ME1: variants seen among roughly 807,000 people sequenced by gnomAD.
ME1 encodes malic enzyme 1.
A neutral mutation model predicts 66.4 loss-of-function variants in ME1; 74 were observed. The observed-to-expected ratio is 1.11, with a 90% CI of 0.92 to 1.35. The LOEUF (loss-of-function observed/expected upper bound fraction) is 1.35. ME1 is among the 40% of genes most tolerant of loss of function. The probability of loss-of-function intolerance (pLI) is 0.00; values close to 1 mark genes in which losing one functional copy is unlikely to be tolerated. For synonymous variants in ME1, 251 were observed against 235.6 expected (o/e 1.07, Z -0.60); for missense variants, 750 against 694.1 (o/e 1.08, Z -0.90).
At chr6:83,263,148 C>T (rs1766928034) in intron 6 of ME1, among the ~76,000 whole-genome samples, 1 of 151,964 alleles carries the variant, frequency 6.6e-6, no homozygotes, top group Admixed American at 6.6e-5. Flanking sequence ...TTTATGTTAC[C>T]ATTATAATTG....
intron 1 of ME1, among the ~76,000 whole-genome samples, chr6:83,425,649 G>A (rs887283965): frequency 6.6e-6 from 1 of 152,058 alleles, no homozygotes; most frequent in African/African-American, 2.4e-5. Context: ...ACAACACATG[G>A]GGATTATGGG....
Position 83,216,577 on chromosome 6 carries a change from G to C in ME1, c.1469C>G (p.Ser490Ter), listed in dbSNP as rs1789998969. Residue 490 changes from serine to a stop codon, truncating the protein, a stop_gained, in exon 13 of 14, where the codon TCA becomes TGA. Transcript: ENST00000369705. LOFTEE classifies it high-confidence loss of function. ...CCGACCCTCTTCCAAGTGTTTATCT[G>C]ACACTTGCTGAGCTATAACCTTATG... ...TTAEVIAQQVSDKHLEEGRLY... is the reference protein window; with the variant it reads ...TTAEVIAQQV 3 of 1,607,514 alleles carry C rather than the reference G, an allele frequency of 1.9e-6. No individual in the cohort carries two copies. The Admixed American group carries it at 5.1e-5, about 27-fold the overall frequency.
chr6:83,407,780 G>C lies in ME1; in HGVS notation c.200C>G (p.Ser67Cys), dbSNP rs1277681865. Residue 67 changes from serine (S) to cysteine (C), a missense_variant, in exon 2 of 14, where the codon TCT becomes TGT. Transcript: ENST00000369705. ...RVVKNFEHLN[S>C]DFDRYLLLMD... ...AGCAATGTGTTACCTGTCAAAGTCAGAGTTCAGATGCTCGAAATTTTTTAC... is the reference window on the plus strand; with the variant it reads ...AGCAATGTGTTACCTGTCAAAGTCACAGTTCAGATGCTCGAAATTTTTTAC... The C allele has an allele frequency of 1.2e-6, 2 of 1,602,376 alleles. No homozygotes were observed. The highest frequency in any genetic ancestry group is 1.7e-6 in the Non-Finnish European group (2 of 1,177,024).
At chr6:83,348,292 T>C (rs770951482) in intron 4 of ME1, among the ~76,000 whole-genome samples, 25 of 152,208 alleles carry the variant, frequency 1.6e-4, no homozygotes, top group Non-Finnish European at 3.2e-4. Context: ...TTCAAAGTCC[T>C]GGTACTTCTA....
chr6:83,429,707 A>G (rs1770444724), intron 1 of ME1, among the ~76,000 whole-genome samples: 1 of 151,816 alleles, frequency 6.6e-6, no homozygotes, highest in East Asian at 1.9e-4. Context: ...CACAAAAAAA[A>G]TCACTCACAC....
chr6:83,391,111 T>C (rs1769612136), intron 3 of ME1, among the ~76,000 whole-genome samples: 1 of 152,124 alleles, frequency 6.6e-6, no homozygotes, highest in East Asian at 1.9e-4. Flanking sequence ...TAAGATCAGG[T>C]TTTGTCCCAA....
At chr6:83,268,713 G>T (rs1455742129) in intron 6 of ME1, among the ~76,000 whole-genome samples, 1 of 146,056 alleles carries the variant, frequency 6.8e-6, no homozygotes, top group Non-Finnish European at 1.5e-5. Flanking sequence ...CCACAGGCGC[G>T]CATCACCATG....
chr6:83,223,880 A>T lies in ME1; in HGVS notation c.1329T>A (p.Asn443Lys), dbSNP rs542582670. 42 of 1,613,956 alleles carry T rather than the reference A, an allele frequency of 2.6e-5. No homozygotes were observed. Among genetic ancestry groups the T allele is most frequent in the Admixed American group, 5.0e-5 (3 of 60,002 alleles). Residue 443 changes from asparagine to lysine, a missense_variant, in exon 12 of 14, where the codon AAT (asparagine) becomes AAA (lysine). By Grantham distance (94) the Asn-to-Lys change is moderately conservative. Transcript: ENST00000369705. ...GSPFDPVTLP[N>K]GQTLYPGQGN... ...CTTGGCCAGGATATAGGGTCTGTCC[A>T]TTTGGAAGAGTGACTGGATCAAAAG...
chr6:83,308,271 C>G lies in ME1; in HGVS notation c.704+7039G>C, dbSNP rs73491334. ...TTGTCATTTAAAATAAAAAAGAACA[C>G]AATTTTTAAATATAGTCTTTGTTGA... is the stretch of plus-strand genomic sequence containing the variant. On this transcript the variant is annotated intron_variant, in intron 6 of 13. Transcript: ENST00000369705. Among the ~76,000 whole-genome samples the G allele has an allele frequency of 9.5e-3, 1,439 of 151,986 alleles. 37 individuals are homozygous for G. The highest frequency in any genetic ancestry group is 0.033 in the African/African-American group (1,363 of 41,386).
chr6:83,348,921 T>C (rs1156736448), intron 4 of ME1, among the ~76,000 whole-genome samples: 1 of 146,240 alleles, frequency 6.8e-6, no homozygotes, highest in Non-Finnish European at 1.5e-5. Context: ...GAGGCGGAGG[T>C]TGCAGTGAGC....
chr6:83,229,640 A>C (rs1790260956), intron 9 of ME1, among the ~76,000 whole-genome samples: 1 of 152,194 alleles, frequency 6.6e-6, no homozygotes. Context: ...ATATGCGGAA[A>C]CATGTTCAGA....
intron 5 of ME1, among the ~76,000 whole-genome samples, chr6:83,343,989 A>C (rs1768638330): frequency 6.6e-6 from 1 of 152,036 alleles, no homozygotes; most frequent in Non-Finnish European, 1.5e-5. Flanking sequence ...AAACAATCTC[A>C]ATAAATGGCC....
intron 7 of ME1, among the ~76,000 whole-genome samples, chr6:83,244,681 A>C (rs1469334966): frequency 6.6e-6 from 1 of 152,110 alleles, no homozygotes; most frequent in Non-Finnish European, 1.5e-5. Context: ...ATAGTTACAT[A>C]CAATCTGGGC....
chr6:83,347,298 T>C (rs1009051575), intron 4 of ME1, among the ~76,000 whole-genome samples: 1 of 152,220 alleles, frequency 6.6e-6, no homozygotes, highest in Non-Finnish European at 1.5e-5. Context: ...ATGAAGCATA[T>C]ACTTTAATCA....
chr6:83,265,297 A>G (rs189996288), intron 6 of ME1, among the ~76,000 whole-genome samples: 29 of 152,036 alleles, frequency 1.9e-4, no homozygotes, highest in Middle Eastern at 3.4e-3. Context: ...GTTTTATTTT[A>G]TTTTATTTTA....
At chr6:83,339,927 A>G (rs1366581645) in intron 5 of ME1, among the ~76,000 whole-genome samples, 1 of 143,630 alleles carries the variant, frequency 7.0e-6, no homozygotes, top group East Asian at 2.0e-4. Context: ...ATATGTAACT[A>G]ACCTGCACAA....
chr6:83,424,924 T>C (rs1770339867), intron 1 of ME1, among the ~76,000 whole-genome samples: 1 of 152,224 alleles, frequency 6.6e-6, no homozygotes, highest in South Asian at 2.1e-4. Flanking sequence ...TATTCTAAGC[T>C]TAAAGGGCCA....
At chr6:83,415,300 T>C (rs1201583569) in intron 1 of ME1, among the ~76,000 whole-genome samples, 1 of 152,192 alleles carries the variant, frequency 6.6e-6, no homozygotes, top group Non-Finnish European at 1.5e-5. Flanking sequence ...AAGTTGCAAA[T>C]GTCTGTTTCT....
chr6:83,332,474 A>G (rs1768432778), intron 5 of ME1, among the ~76,000 whole-genome samples: 1 of 152,240 alleles, frequency 6.6e-6, no homozygotes, highest in South Asian at 2.1e-4. Context: ...ATCACAGCAC[A>G]ATCCACAATT....
Sources: allele counts gnomAD v4.1 joint callset (sites outside exome capture counted in the v4.1 genomes callset), GRCh38; gene constraint gnomAD v4.1.1; transcripts MANE v1.5; gene names NCBI Gene and HGNC (gene_info 2026-07-23, HGNC 2026-07-21).